CCZ1B: variants seen among roughly 807,000 people sequenced by gnomAD.
CCZ1B encodes vacuolar fusion protein CCZ1 homolog B.
Under a neutral mutation model 58.8 loss-of-function variants are expected in CCZ1B, and 25 were observed. The observed-to-expected ratio is 0.43, with a 90% CI of 0.31 to 0.59. The LOEUF (loss-of-function observed/expected upper bound fraction) is 0.59, where lower values mean the gene tolerates loss of function less well. Among genes scored for constraint, CCZ1B ranks in the 20% least tolerant of loss-of-function variants. The pLI, the probability that CCZ1B is intolerant of heterozygous loss-of-function variation, is 0.12. For synonymous variants in CCZ1B, 66 were observed against 173.2 expected (o/e 0.38, Z 4.86); for missense variants, 180 against 501.5 (o/e 0.36, Z 6.12).
rs576773329 is a variant in CCZ1B, at chr7:6,812,851, G to A, written c.842+125C>T. On this transcript the variant is annotated intron_variant, in intron 9 of 14. Transcript: ENST00000316731. ...TGAGGCATGAGAATCACTTGAGCCCGGGGAGGCAGAGGTTGCAGTGAGCGG... is the reference window on the plus strand; with the variant it reads ...TGAGGCATGAGAATCACTTGAGCCCAGGGAGGCAGAGGTTGCAGTGAGCGG... 50 of 1,529,258 alleles carry A rather than the reference G, an allele frequency of 3.3e-5. 1 individual carries two copies. Among genetic ancestry groups the A allele is most frequent in the East Asian group, 4.6e-5 (2 of 43,554 alleles). 94.7% of individuals were successfully genotyped at this position (1,529,258 alleles called of 1,614,324 possible).
In CCZ1B at chr7:6,808,136, C is replaced by T. The variant is rs1217347356; in HGVS notation, c.955-2099G>A. On this transcript the variant is annotated intron_variant, in intron 10 of 14. Coordinates refer to ENST00000316731, the MANE Select transcript of CCZ1B (RefSeq NM_198097.5). ...CTTACACCCAAGCCCGCACAGCACC[C>T]GCTCCACCTCTGGAGGGCTGGAGAC... Among the ~76,000 whole-genome samples the T allele has an allele frequency of 1.1e-4, 13 of 123,436 alleles. 1 individual carries two copies. Among genetic ancestry groups the T allele is most frequent in the Non-Finnish European group, 1.0e-4 (6 of 57,670 alleles). 81.0% of individuals were successfully genotyped at this position (123,436 alleles called of 152,430 possible). A position where few individuals can be genotyped will look rare whatever the true frequency, so the allele number is the denominator to read the frequency against.
intron 5 of CCZ1B, 96 bp from the exon 6 acceptor site, chr7:6,822,460 G>T (rs1260856015): frequency 1.4e-6 from 2 of 1,434,926 alleles, no homozygotes; most frequent in East Asian, 2.4e-5. Flanking sequence ...TATTAATTCA[G>T]CTCATTAAAT....
chr7:6,825,156 GAAGTA>G (rs1399418379), intron 1 of CCZ1B, among the ~76,000 whole-genome samples: 1 of 149,726 alleles, frequency 6.7e-6, no homozygotes, highest in Non-Finnish European at 1.5e-5. Context: ...ATGCTTGTAA[GAAGTA>G]AAGGTGTGCC....
rs766200767 is a variant in CCZ1B at position 6,822,300 on chromosome 7, A to C, written c.503T>G (p.Leu168Ter). Residue 168 changes from leucine (L) to a stop codon, truncating the protein, a stop_gained, in exon 6 of 15, where the codon TTA becomes TGA. Transcript: ENST00000316731. LOFTEE classifies it high-confidence loss of function. ...DGGVKLLKER[L>*]EKFFHRYLQT... ...ACTTACCCGATGGAAGAATTTCTCTAATCTTTCTTTCAGAAGCTTGACGCC... is the reference window on the plus strand; with the variant it reads ...ACTTACCCGATGGAAGAATTTCTCTCATCTTTCTTTCAGAAGCTTGACGCC... 3.7e-5 allele frequency: 59 copies of C among 1,587,550 alleles called. 1 individual carries two copies. Among genetic ancestry groups the C allele is most frequent in the Non-Finnish European group, 4.9e-5 (57 of 1,172,846 alleles).
intron 5 of CCZ1B, 79 bp downstream of exon 5, chr7:6,823,234 C>T (rs375565821): frequency 4.0e-5 from 63 of 1,571,904 alleles, no homozygotes; most frequent in Non-Finnish European, 5.2e-6. Flanking sequence ...CATTTATAGA[C>T]TTCTCTTTAA....
chr7:6,824,564 A>G lies in CCZ1B; in HGVS notation c.219-16T>C. 1 of 1,611,538 alleles carries G rather than the reference A, an allele frequency of 6.2e-7. No homozygotes were observed. Among genetic ancestry groups the G allele is most frequent in the Non-Finnish European group, 8.5e-7 (1 of 1,179,472 alleles). ...GCTAAATGTCCTACAAAGGTTAAAA[A>G]AATATGTTTGGGACAATTCTCCAGC... On this transcript the variant is annotated splice_polypyrimidine_tract_variant and intron_variant, in intron 2 of 14. Transcript: ENST00000316731.
rs772232270 is a variant in CCZ1B at position 6,805,102 on chromosome 7, C to T, written c.989-47G>A. 5.0e-5 allele frequency: 58 copies of T among 1,155,766 alleles called. 17 individuals carry two copies. Among genetic ancestry groups the T allele is most frequent in the African/African-American group, 7.3e-5 (3 of 40,892 alleles). 71.6% of individuals were successfully genotyped at this position (1,155,766 alleles called of 1,614,324 possible). A position where few individuals can be genotyped will look rare whatever the true frequency, so the allele number is the denominator to read the frequency against. ...TACCAGTAAGATTCATTTTACTGTG[C>T]GACACTGAACAACAGTATTCAAACG... On this transcript the variant is annotated intron_variant, in intron 11 of 14. Transcript: ENST00000316731.
At chr7:6,817,810 C>G (rs113536394) in intron 7 of CCZ1B, among the ~76,000 whole-genome samples, 1 of 148,988 alleles carries the variant, frequency 6.7e-6, no homozygotes, top group South Asian at 2.1e-4. Context: ...GTCAGGAGTT[C>G]GAGACCAGCC....
chr7:6,817,447 A>C (rs1783023596), intron 7 of CCZ1B, among the ~76,000 whole-genome samples: 1 of 150,158 alleles, frequency 6.7e-6, no homozygotes, highest in East Asian at 1.9e-4. Flanking sequence ...TGGTGGAAGC[A>C]AGGCCATGGG....
At chr7:6,813,179 G>C in intron 8 of CCZ1B, 142 bp from the exon 9 acceptor site, 2 of 1,475,048 alleles carry the variant, frequency 1.4e-6, no homozygotes. Context: ...TGTTGCCCAG[G>C]CTGGAATGCA....
In CCZ1B at chr7:6,822,187, T is replaced by G. The variant is rs1315336955; in HGVS notation, c.522+94A>C. ...TCTTTGCCACTTTCAAGTTCTGGGT[T>G]TTTTGTAGATAAGAAACAAACTTGT... On this transcript the variant is annotated intron_variant, in intron 6 of 14. Transcript: ENST00000316731. 3.9e-6 allele frequency: 6 copies of G among 1,521,054 alleles called. 1 individual carries two copies. The East Asian group carries it at 6.8e-5, about 17-fold the overall frequency. The allele number at this position is 1,521,054 out of a possible 1,614,324, so 94.2% of individuals were successfully genotyped here. A position where few individuals can be genotyped will look rare whatever the true frequency, so the allele number is the denominator to read the frequency against.
intron 7 of CCZ1B, among the ~76,000 whole-genome samples, chr7:6,816,116 G>A (rs1159600449): frequency 1.4e-5 from 2 of 147,568 alleles, no homozygotes; most frequent in Non-Finnish European, 3.0e-5. Context: ...TCAGACTCTG[G>A]AACCGGTTTT....
In CCZ1B at chr7:6,818,659, AAGAC is replaced by A. The variant is rs1162318991; in HGVS notation, c.698+1103_698+1106del. Among the ~76,000 whole-genome samples the A allele has an allele frequency of 7.8e-4, 97 of 124,832 alleles. 10 individuals carry two copies. The highest frequency in any genetic ancestry group is 2.5e-3 in the African/African-American group (75 of 30,404). 81.9% of individuals were successfully genotyped at this position (124,832 alleles called of 152,430 possible). A position where few individuals can be genotyped will look rare whatever the true frequency, so the allele number is the denominator to read the frequency against. ...CAAGAAAGAAAGAAAGACAGAAAGA[AAGAC>A]AGACAGAAAGAAAGAAAGAAAGAAA... On this transcript the variant is annotated intron_variant, in intron 7 of 14. Transcript: ENST00000316731.
In CCZ1B at chr7:6,814,003, A is replaced by G. The variant is rs188577542; in HGVS notation, c.780+761T>C. On this transcript the variant is annotated intron_variant, in intron 8 of 14. Transcript: ENST00000316731. ...TCTACTAAAAATATAAAAATTAGCC[A>G]GGCATGGTGGCAGGTGCCTATAATC... 1.7e-3 allele frequency among the ~76,000 whole-genome samples: 246 copies of G among 147,564 alleles called. 15 individuals carry two copies. The highest frequency in any genetic ancestry group is 5.6e-3 in the African/African-American group (216 of 38,776).
chr7:6,814,721 T>C (rs745528203), intron 8 of CCZ1B, 43 bp downstream of exon 8: 19 of 1,542,662 alleles, frequency 1.2e-5, no homozygotes, highest in Non-Finnish European at 1.7e-5. Context: ...GCCCTCTCTG[T>C]GCCCCTGCAT....
Position 6,823,292 on chromosome 7 carries a change from G to A in CCZ1B, c.438+21C>T, listed in dbSNP as rs1192204638. The A allele has an allele frequency of 3.7e-6, 6 of 1,605,110 alleles. No homozygotes were observed. The South Asian group carries it at 4.4e-5, about 12-fold the overall frequency. On this transcript the variant is annotated intron_variant, in intron 5 of 14. Transcript: ENST00000316731. ...GGGGTAAGTGGTTGGACTCTGAGTT[G>A]AGAAAGAACGCCACGCTTACCTTGT...
In CCZ1B at chr7:6,812,190, C is replaced by G. The variant is rs1782926684; in HGVS notation, c.843-127G>C. On this transcript the variant is annotated intron_variant, in intron 9 of 14. Coordinates refer to ENST00000316731, the MANE Select transcript of CCZ1B (RefSeq NM_198097.5). ...GATGCCAGCTGCTATTTGGCAAACA[C>G]CATATCAGAATAGGCCGGCTGGGCG... is the stretch of plus-strand genomic sequence containing the variant. 9.1e-6 allele frequency: 10 copies of G among 1,097,938 alleles called. No homozygotes were observed. The South Asian group carries it at 1.2e-4, about 13-fold the overall frequency. The allele number at this position is 1,097,938 out of a possible 1,614,324, so 68.0% of individuals were successfully genotyped here.
At chr7:6,825,690 C>A (rs1468815615) in intron 1 of CCZ1B, among the ~76,000 whole-genome samples, 1 of 130,582 alleles carries the variant, frequency 7.7e-6, no homozygotes, top group Non-Finnish European at 1.6e-5. Context: ...TTTATTTCCT[C>A]ATTTGGGCGA....
At chr7:6,813,078 T>C (rs1782943616) in intron 8 of CCZ1B, 41 bp from the exon 9 acceptor site, 2 of 1,401,262 alleles carry the variant, frequency 1.4e-6, no homozygotes, top group Non-Finnish European at 2.0e-6. Context: ...TATCAGACTT[T>C]TTATTTATTT....
Sources: allele counts gnomAD v4.1 joint callset (sites outside exome capture counted in the v4.1 genomes callset), GRCh38; gene constraint gnomAD v4.1.1; transcripts MANE v1.5; gene names NCBI Gene and HGNC (gene_info 2026-07-23, HGNC 2026-07-21).